Variants in PAK1 observed in about 807,000 individuals in gnomAD.
The protein encoded by PAK1 is serine/threonine-protein kinase PAK 1.
PAK1 carries 29 observed loss-of-function variants against 67.4 expected under a neutral mutation model. The ratio of observed to expected loss-of-function variants is 0.43; its 90% CI spans 0.32 to 0.59. PAK1 has a LOEUF of 0.59. Ranked by LOEUF, PAK1 falls within the 20% of genes least tolerant of loss-of-function variation. PAK1 has a pLI of 0.07. For synonymous variants in PAK1, 223 were observed against 237.4 expected (o/e 0.94, Z 0.56); for missense variants, 337 against 670.7 (o/e 0.50, Z 5.50).
chr11:77,396,609 C>T (rs1951865849), intron 1 of PAK1, among the ~76,000 whole-genome samples: 1 of 152,192 alleles, frequency 6.6e-6, no homozygotes, highest in Non-Finnish European at 1.5e-5. Flanking sequence ...AATCTTGTAT[C>T]TTAGAGCTAT....
rs1011158625 is a variant in PAK1 at position 77,336,143 on chromosome 11, G to T, written c.1356C>A (p.Ile452=). 6.2e-7 allele frequency: 1 copy of T among 1,613,610 alleles called. No homozygotes were observed. Among genetic ancestry groups the T allele is most frequent in the Non-Finnish European group, 8.5e-7 (1 of 1,179,524 alleles). Residue 452 remains isoleucine, a synonymous_variant, in exon 13 of 15, where the codon ATC becomes ATA. Coordinates refer to ENST00000356341, the MANE Select transcript of PAK1 (RefSeq NM_002576.5). ...CCCCTTCAATCATTTCGATGGCCATGATGCCCAGGGACCAGATGTCAACCT... is the reference window on the plus strand; with the variant it reads ...CCCCTTCAATCATTTCGATGGCCATTATGCCCAGGGACCAGATGTCAACCT... ...GPKVDIWSLG[I]MAIEMIEGEP... is the part of the protein sequence containing the mutation.
At chr11:77,499,266 T>A in the PAK1 span, among the ~76,000 whole-genome samples, 173 of 152,254 alleles carry the variant, frequency 1.1e-3, 2 homozygotes, top group Middle Eastern at 6.8e-3. Flanking sequence ...TCTCATTATG[T>A]TACCCAGTCT....
At chr11:77,387,850 TG>T in intron 2 of PAK1, among the ~76,000 whole-genome samples, 1 of 152,364 alleles carries the variant, frequency 6.6e-6, no homozygotes, top group Middle Eastern at 3.4e-3. Context: ...AAATACTACA[TG>T]AAGGGCATAT....
intron 5 of PAK1, among the ~76,000 whole-genome samples, chr11:77,370,607 G>A (rs1948298779): frequency 6.6e-6 from 1 of 152,110 alleles, no homozygotes; most frequent in Non-Finnish European, 1.5e-5. Context: ...TTAAGCTGTG[G>A]CTTCTTCTGC....
At chr11:77,487,054 TGAG>T in the PAK1 span, among the ~76,000 whole-genome samples, 1 of 152,092 alleles carries the variant, frequency 6.6e-6, no homozygotes, top group Non-Finnish European at 1.5e-5. Flanking sequence ...TCCTTCCACC[TGAG>T]GAGAGGAGAG....
In PAK1 at chr11:77,343,851, G is replaced by T. The variant is rs1036041813; in HGVS notation, c.966C>A (p.Asn322Lys). The change falls in exon 10 of 15, where the codon AAC becomes AAA. Residue 322 changes from asparagine (N) to lysine (K), a missense_variant. Asn to Lys is a moderately conservative substitution (Grantham distance 94). Around this residue, in one of 8 missense-constraint regions of PAK1, gnomAD observed 18 missense variants for 45.2 expected, o/e 0.40. Coordinates refer to ENST00000356341, the MANE Select transcript of PAK1 (RefSeq NM_002576.5). ...IINEILVMRE[N>K]KNPNIVNYLD... ...AGTAATTCACAATGTTTGGGTTCTT[G>T]TTTTCCCTCATGACCAGGATCTCAT... 1 of 1,612,380 alleles carries T rather than the reference G, an allele frequency of 6.2e-7. No individual in the cohort carries two copies. Among genetic ancestry groups the T allele is most frequent in the African/African-American group, 1.3e-5 (1 of 74,956 alleles).
chr11:77,397,015 G>C (rs1397805550), intron 1 of PAK1: 1 of 152,214 alleles, frequency 6.6e-6, no homozygotes, highest in African/African-American at 2.4e-5. Flanking sequence ...TGAATAAAGT[G>C]AGTATACACA....
At chr11:77,435,192 TA>T (rs1240244729) in intron 1 of PAK1, among the ~76,000 whole-genome samples, 1 of 151,634 alleles carries the variant, frequency 6.6e-6, no homozygotes, top group Admixed American at 6.6e-5. Flanking sequence ...ACACTCTAAG[TA>T]GGTGAATTTC....
intron 2 of PAK1, among the ~76,000 whole-genome samples, chr11:77,384,548 C>T (rs561336955): frequency 6.6e-6 from 1 of 152,298 alleles, no homozygotes; most frequent in South Asian, 2.1e-4. Context: ...GCAGTACATC[C>T]ATATACTATT....
At chr11:77,435,010 T>C (rs1031945582) in intron 1 of PAK1, among the ~76,000 whole-genome samples, 3 of 151,622 alleles carry the variant, frequency 2.0e-5, no homozygotes, top group Non-Finnish European at 2.9e-5. Flanking sequence ...AGGATCTTCC[T>C]GATTCAGCTT....
chr11:77,423,105 A>C (rs1455259998), intron 1 of PAK1, among the ~76,000 whole-genome samples: 1 of 152,102 alleles, frequency 6.6e-6, no homozygotes, highest in Non-Finnish European at 1.5e-5. Context: ...ACAAACAAGA[A>C]GCATACTAGA....
At chr11:77,433,554 C>A (rs576143064) in intron 1 of PAK1, among the ~76,000 whole-genome samples, 3 of 152,034 alleles carry the variant, frequency 2.0e-5, no homozygotes, top group Non-Finnish European at 4.4e-5. Context: ...CCGAGGCAGG[C>A]GGATCATGAG....
chr11:77,393,913 G>T (rs1265552840), intron 1 of PAK1, among the ~76,000 whole-genome samples: 1 of 152,124 alleles, frequency 6.6e-6, no homozygotes, highest in Non-Finnish European at 1.5e-5. Context: ...TGAGGCAGGA[G>T]AATCACCTGA....
chr11:77,435,803 C>T (rs1277358735), intron 1 of PAK1, among the ~76,000 whole-genome samples: 1 of 151,920 alleles, frequency 6.6e-6, no homozygotes, highest in Non-Finnish European at 1.5e-5. Context: ...CCACTGCGCC[C>T]GGCCCACATA....
chr11:77,456,443 A>G (rs1012443159), intron 1 of PAK1, among the ~76,000 whole-genome samples: 2 of 152,206 alleles, frequency 1.3e-5, no homozygotes, highest in South Asian at 2.1e-4. Flanking sequence ...GGTATCTACT[A>G]TGTGCTAAAA....
At chr11:77,411,348 T>C (rs1393329139) in intron 1 of PAK1, among the ~76,000 whole-genome samples, 1 of 151,952 alleles carries the variant, frequency 6.6e-6, no homozygotes, top group Non-Finnish European at 1.5e-5. Flanking sequence ...GATGTCTGAA[T>C]AGGACCAGTC....
chr11:77,489,475 T>C, the PAK1 span, among the ~76,000 whole-genome samples: 6 of 151,278 alleles, frequency 4.0e-5, no homozygotes, highest in African/African-American at 1.5e-4. Flanking sequence ...TCCCTCTCTT[T>C]CCACGGTCTC....
chr11:77,346,739 C>A (rs1944483445), intron 9 of PAK1, among the ~76,000 whole-genome samples: 1 of 152,116 alleles, frequency 6.6e-6, no homozygotes, highest in South Asian at 2.1e-4. Context: ...ACAGTAAAAC[C>A]TAACCACACA....
At chr11:77,476,123 T>C (rs761302639), upstream of PAK1, 1 of 152,272 alleles carries the variant, frequency 6.6e-6, no homozygotes, top group Non-Finnish European at 1.5e-5. Context: ...GAAGCTGTGA[T>C]TGCACCACCA....
Sources: gnomAD v4.1 joint callset for allele counts (sites outside exome capture counted in the v4.1 genomes callset) on GRCh38, gnomAD v4.1.1 for gene constraint, gnomAD v4.1.1 regional missense constraint, MANE v1.5 for transcripts, NCBI Gene and HGNC (gene_info 2026-07-23, HGNC 2026-07-21) for gene names.